UNC13C: variants seen among roughly 807,000 people sequenced by gnomAD.
UNC13C encodes the protein protein unc-13 homolog C.
In UNC13C, 174 loss-of-function variants were observed where a neutral mutation model predicts 245.4. The ratio of observed to expected loss-of-function variants is 0.71; its 90% confidence interval spans 0.63 to 0.80. The LOEUF is 0.80. Among genes scored for constraint, UNC13C ranks in the 30% least tolerant of loss-of-function variants. The pLI is 0.00. For synonymous variants in UNC13C, 992 were observed against 895.1 expected, an observed-to-expected ratio of 1.11 and a Z score of -1.93; for missense variants, 2,829 against 2,602.9, an observed-to-expected ratio of 1.09 and a Z score of -1.89.
chr15:54,164,448 G>A (rs1268565171), intron 4 of UNC13C, among the ~76,000 whole-genome samples: 1 of 152,142 alleles, frequency 6.6e-6, no homozygotes, highest in Non-Finnish European at 1.5e-5. Context: ...CTTAGACAGT[G>A]TGGCTTGGCC....
chr15:53,905,578 A>G, the UNC13C span, among the ~76,000 whole-genome samples: 1 of 152,108 alleles, frequency 6.6e-6, no homozygotes, highest in South Asian at 2.1e-4. Flanking sequence ...AATATAACTC[A>G]TAAAATCAGG....
intron 24 of UNC13C, 134 bp downstream of exon 24, chr15:54,511,964 T>C (rs750330645): frequency 1.4e-6 from 1 of 690,094 alleles, no homozygotes; most frequent in Non-Finnish European, 2.6e-6. Flanking sequence ...TAATCTCAAA[T>C]GTCATTAACA....
chr15:54,210,301 T>A (rs4640123), intron 4 of UNC13C, among the ~76,000 whole-genome samples: 1 of 149,890 alleles, frequency 6.7e-6, no homozygotes, highest in East Asian at 2.0e-4. Flanking sequence ...TTATTTAGAG[T>A]TATTTCTATA....
chr15:54,463,569 A>G (rs995018915), intron 19 of UNC13C, among the ~76,000 whole-genome samples: 6 of 152,000 alleles, frequency 3.9e-5, no homozygotes, highest in African/African-American at 1.4e-4. Flanking sequence ...TGTAACACTC[A>G]CTGCAAAGGT....
At chr15:53,881,253 T>A in the UNC13C span, among the ~76,000 whole-genome samples, 1 of 152,214 alleles carries the variant, frequency 6.6e-6, no homozygotes, top group Non-Finnish European at 1.5e-5. Flanking sequence ...GTAGCCATAC[T>A]GTTTGGAGAG....
the UNC13C span, among the ~76,000 whole-genome samples, chr15:53,862,369 T>C: frequency 1.3e-5 from 2 of 152,158 alleles, no homozygotes; most frequent in Non-Finnish European, 2.9e-5. Context: ...GCTCAATGCC[T>C]ACATGTGGGA....
intron 2 of UNC13C, among the ~76,000 whole-genome samples, chr15:54,103,191 C>G (rs532430292): frequency 3.3e-5 from 5 of 152,302 alleles, no homozygotes; most frequent in Admixed American, 1.3e-4. Flanking sequence ...CACACACACA[C>G]TCTCTCACAG....
intron 19 of UNC13C, among the ~76,000 whole-genome samples, chr15:54,431,392 A>G (rs2040869656): frequency 6.6e-6 from 1 of 151,338 alleles, no homozygotes; most frequent in Non-Finnish European, 1.5e-5. Flanking sequence ...TCCTTTTTCC[A>G]TTAATGGCTA....
intron 19 of UNC13C, among the ~76,000 whole-genome samples, chr15:54,440,809 T>C (rs1402554522): frequency 6.6e-6 from 1 of 152,052 alleles, no homozygotes; most frequent in Non-Finnish European, 1.5e-5. Context: ...TCTGTAACCC[T>C]GCCAGCATCT....
At chr15:54,388,638 A>T (rs890361476) in intron 17 of UNC13C, among the ~76,000 whole-genome samples, 1 of 152,096 alleles carries the variant, frequency 6.6e-6, no homozygotes, top group East Asian at 1.9e-4. Flanking sequence ...ATTATTCCAC[A>T]TAGACTCCGG....
At position 54,606,986 on chromosome 15, in the gene UNC13C, G is replaced by A. The variant is rs147934278; in HGVS notation, c.6107-15341G>A. Among the ~76,000 whole-genome samples the A allele has an allele frequency of 9.6e-3, 1,457 of 152,296 alleles. 23 individuals carry two copies. Among genetic ancestry groups the A allele is most frequent in the African/African-American group, 0.034 (1,416 of 41,548 alleles). On this transcript the variant is annotated intron_variant, in intron 30 of 32. Transcript: ENST00000260323. ...TTTAAATGAATTATACACAGTCATG[G>A]TTTATAAAGAGACTATTTCCTGTGG...
At chr15:54,375,758 A>G (rs1419651487) in intron 17 of UNC13C, among the ~76,000 whole-genome samples, 1 of 152,166 alleles carries the variant, frequency 6.6e-6, no homozygotes, top group Non-Finnish European at 1.5e-5. Flanking sequence ...TTGCGTGAGG[A>G]CCCTGAACTC....
Position 54,527,713 on chromosome 15 carries a change from G to A in UNC13C, c.5546+2076G>A, listed in dbSNP as rs905080456. ...TTTTAGCCTAAACAGTAAAACCTGC[G>A]GCTACCCAGAATCCATTTATTATTG... On this transcript the variant is annotated intron_variant, in intron 25 of 32. Transcript: ENST00000260323. Among the ~76,000 whole-genome samples the A allele has an allele frequency of 1.1e-3, 163 of 151,998 alleles. 1 individual carries two copies. Among genetic ancestry groups the A allele is most frequent in the Admixed American group, 4.6e-4 (7 of 15,264 alleles).
At chr15:54,108,332 G>A (rs891001015) in intron 2 of UNC13C, among the ~76,000 whole-genome samples, 4 of 151,940 alleles carry the variant, frequency 2.6e-5, no homozygotes, top group South Asian at 2.1e-4. Flanking sequence ...GACTACAGGC[G>A]CCCGCCACCA....
intron 19 of UNC13C, among the ~76,000 whole-genome samples, chr15:54,446,102 T>C (rs1389387821): frequency 1.3e-5 from 2 of 152,194 alleles, no homozygotes; most frequent in Non-Finnish European, 2.9e-5. Context: ...CAGATAGTTG[T>C]AGATGTGTGG....
intron 10 of UNC13C, among the ~76,000 whole-genome samples, chr15:54,274,731 G>T (rs2036785038): frequency 7.0e-6 from 1 of 142,494 alleles, no homozygotes; most frequent in Non-Finnish European, 1.5e-5. Context: ...GGGTGCAGTG[G>T]CGCGATCTCG....
the UNC13C span, among the ~76,000 whole-genome samples, chr15:53,950,133 G>C: frequency 1.3e-5 from 2 of 152,188 alleles, no homozygotes; most frequent in Non-Finnish European, 2.9e-5. Context: ...ACTGAAAGAG[G>C]CATCTCTACT....
intron 8 of UNC13C, among the ~76,000 whole-genome samples, chr15:54,257,271 A>G (rs1223187416): frequency 2.0e-5 from 3 of 152,346 alleles, no homozygotes; most frequent in Non-Finnish European, 2.9e-5. Flanking sequence ...AAAATTGAGC[A>G]CATTTTGAAT....
At chr15:54,340,757 T>A (rs2038709048) in intron 17 of UNC13C, among the ~76,000 whole-genome samples, 1 of 152,174 alleles carries the variant, frequency 6.6e-6, no homozygotes, top group Non-Finnish European at 1.5e-5. Context: ...TAGTCTTGCT[T>A]TGGCTGTGTG....
Sources: gnomAD v4.1 joint callset for allele counts (sites outside exome capture counted in the v4.1 genomes callset) on GRCh38, gnomAD v4.1.1 for gene constraint, MANE v1.5 for transcripts, NCBI Gene and HGNC (gene_info 2026-07-23, HGNC 2026-07-21) for gene names.